Variants in CAMK4 observed in about 807,000 individuals in gnomAD.
CAMK4 encodes the protein calcium/calmodulin dependent protein kinase IV.
A neutral mutation model predicts 44.9 loss-of-function variants in CAMK4; 22 were observed. The ratio of observed to expected loss-of-function variants is 0.49; its 90% CI spans 0.35 to 0.70. The LOEUF is 0.70. Ranked by LOEUF, CAMK4 falls within the 30% of genes least tolerant of loss-of-function variation. CAMK4 has a pLI of 0.01. For missense variants in CAMK4, 498 were observed against 586.8 expected, an observed-to-expected ratio of 0.85 and a Z score of 1.56; for synonymous variants, 218 against 215.4, an observed-to-expected ratio of 1.01 and a Z score of -0.11.
chr5:111,247,682 T>C (rs1045522408), intron 1 of CAMK4, among the ~76,000 whole-genome samples: 3 of 152,136 alleles, frequency 2.0e-5, no homozygotes, highest in Non-Finnish European at 2.9e-5. Flanking sequence ...TCAGTTTTGC[T>C]CCTAAGGACT....
chr5:111,224,753 C>T lies in CAMK4; in HGVS notation c.161+109C>T. On this transcript the variant is annotated intron_variant, in intron 1 of 10. Coordinates refer to ENST00000282356, the MANE Select transcript of CAMK4 (RefSeq NM_001744.6). This position sits in a 1 kb window ranked among gnomAD's most constrained non-coding sequence, Gnocchi z 5.7. The stretch of plus-strand genomic sequence containing the variant: ...AGCCTGCCTTCGTGCCCTTCGATTT[C>T]TCCCTACCTAGTTAGTGTCTTGAGA... 9.5e-7 allele frequency: 1 copy of T among 1,052,438 alleles called. No individual in the cohort carries two copies. 65.2% of individuals were successfully genotyped at this position (1,052,438 alleles called of 1,614,324 possible). A position where few individuals can be genotyped will look rare whatever the true frequency, so the allele number is the denominator to read the frequency against.
intron 2 of CAMK4, among the ~76,000 whole-genome samples, chr5:111,352,658 A>AGT (rs1750161727): frequency 7.1e-6 from 1 of 140,722 alleles, no homozygotes; most frequent in South Asian, 2.6e-4. Flanking sequence ...AGAGAGAGAG[A>AGT]GAGAGGGAGA....
chr5:111,326,693 G>A (rs975328560), intron 1 of CAMK4, among the ~76,000 whole-genome samples: 1 of 142,102 alleles, frequency 7.0e-6, no homozygotes, highest in African/African-American at 2.7e-5. Context: ...TAAAAAAAAA[G>A]AGTACAAAGA....
At chr5:111,443,994 C>T (rs535431721) in intron 5 of CAMK4, among the ~76,000 whole-genome samples, 62 of 152,154 alleles carry the variant, frequency 4.1e-4, no homozygotes, top group Non-Finnish European at 4.1e-4. Context: ...CATTCGTGGT[C>T]GAGCATGCTC....
Position 111,446,703 on chromosome 5 carries a change from G to T in CAMK4, c.477G>T (p.Gly159=), listed in dbSNP as rs1272156254. 3.2e-6 allele frequency: 5 copies of T among 1,584,234 alleles called. No individual in the cohort carries two copies. The highest frequency in any genetic ancestry group is 4.3e-6 in the Non-Finnish European group (5 of 1,158,198). The change falls in exon 6 of 11, where the codon GGG becomes GGT. Residue 159 remains glycine, a synonymous_variant. Coordinates refer to ENST00000282356, the MANE Select transcript of CAMK4 (RefSeq NM_001744.6). ...LEAVAYLHEN[G]IVHRDLKPEN... Reference sequence around the variant, plus strand: ...CTCTTTAGTATCTACATGAAAATGGGATTGTCCATCGTGATCTCAAACCAG... The same window carrying T: ...CTCTTTAGTATCTACATGAAAATGGTATTGTCCATCGTGATCTCAAACCAG...
chr5:111,411,206 G>C (rs1383291211), intron 5 of CAMK4, among the ~76,000 whole-genome samples: 2 of 152,198 alleles, frequency 1.3e-5, no homozygotes, highest in African/African-American at 4.8e-5. Context: ...CCTTTACCAA[G>C]ACATGGGACA....
chr5:111,282,165 C>G (rs764667326), intron 1 of CAMK4, among the ~76,000 whole-genome samples: 1 of 152,032 alleles, frequency 6.6e-6, no homozygotes, highest in Non-Finnish European at 1.5e-5. Context: ...AAAGACAAAG[C>G]AAATATGGGG....
In CAMK4 at chr5:111,428,046, ACT is replaced by A. The variant is rs143779909; in HGVS notation, c.460-18637_460-18636del. Reference sequence around the variant, plus strand: ...TGTAGGTGGCTCAGAACAAACGGAGACTCTGTTTAGGAGAAAGTAAGGGAAGG... The same window carrying A: ...TGTAGGTGGCTCAGAACAAACGGAGACTGTTTAGGAGAAAGTAAGGGAAGG... On this transcript the variant is annotated intron_variant, in intron 5 of 10. Coordinates refer to ENST00000282356, the MANE Select transcript of CAMK4 (RefSeq NM_001744.6). 6.4e-3 allele frequency among the ~76,000 whole-genome samples: 976 copies of A among 152,206 alleles called. 9 individuals are homozygous for A. The highest frequency in any genetic ancestry group is 0.022 in the African/African-American group (906 of 41,516).
intron 5 of CAMK4, among the ~76,000 whole-genome samples, chr5:111,412,136 G>T (rs1200261122): frequency 1.3e-5 from 2 of 152,050 alleles, no homozygotes; most frequent in African/African-American, 2.4e-5. Flanking sequence ...GAAGTTGTAG[G>T]TAATTATTTA....
At chr5:111,445,379 C>T (rs1345568482) in intron 5 of CAMK4, among the ~76,000 whole-genome samples, 1 of 151,862 alleles carries the variant, frequency 6.6e-6, no homozygotes, top group African/African-American at 2.4e-5. Flanking sequence ...AGGGATATTA[C>T]CTTGTGTATA....
Position 111,322,034 on chromosome 5 carries a change from G to T in CAMK4, c.162-21990G>T, listed in dbSNP as rs1461854488. Among the ~76,000 whole-genome samples the T allele has an allele frequency of 2.0e-5, 3 of 151,938 alleles. No individual in the cohort carries two copies. The East Asian group carries it at 5.8e-4, about 30-fold the overall frequency. ...GGACTTCTGCTTGTGAGAATCAAAG[G>T]TACTACACTTGCCCTTCTTCTATAA... On this transcript the variant is annotated intron_variant, in intron 1 of 10. Coordinates refer to ENST00000282356, the MANE Select transcript of CAMK4 (RefSeq NM_001744.6).
At chr5:111,419,205 A>G (rs887744097) in intron 5 of CAMK4, among the ~76,000 whole-genome samples, 16 of 152,104 alleles carry the variant, frequency 1.1e-4, no homozygotes, top group Non-Finnish European at 2.1e-4. Flanking sequence ...GATGATGAGC[A>G]TTTTTTCATG....
intron 5 of CAMK4, among the ~76,000 whole-genome samples, chr5:111,404,128 A>C (rs1441145947): frequency 6.6e-6 from 1 of 152,220 alleles, no homozygotes; most frequent in African/African-American, 2.4e-5. Flanking sequence ...TTGGCTAAGC[A>C]TACATATTTA....
chr5:111,421,399 G>A (rs1055106803), intron 5 of CAMK4, among the ~76,000 whole-genome samples: 3 of 152,162 alleles, frequency 2.0e-5, no homozygotes, highest in Non-Finnish European at 4.4e-5. Flanking sequence ...TTTTCAAAGG[G>A]AGCAATAAGA....
intron 2 of CAMK4, among the ~76,000 whole-genome samples, chr5:111,363,594 T>C (rs1228991491): frequency 6.6e-6 from 1 of 152,088 alleles, no homozygotes; most frequent in Non-Finnish European, 1.5e-5. Context: ...ACCGTGTGTG[T>C]ATGTGTGTAT....
chr5:111,319,673 T>G (rs968636673), intron 1 of CAMK4, among the ~76,000 whole-genome samples: 6 of 152,136 alleles, frequency 3.9e-5, no homozygotes, highest in Non-Finnish European at 8.8e-5. Context: ...TTAAAAATCA[T>G]GGGGACTGTT....
chr5:111,376,452 T>G (rs1036915637), intron 3 of CAMK4, among the ~76,000 whole-genome samples: 3 of 152,050 alleles, frequency 2.0e-5, no homozygotes, highest in African/African-American at 7.2e-5. Context: ...CCCCTAATTT[T>G]AAGTTTTGTA....
At chr5:111,465,446 GAT>G (rs1233786302) in intron 7 of CAMK4, among the ~76,000 whole-genome samples, 1 of 151,868 alleles carries the variant, frequency 6.6e-6, no homozygotes, top group East Asian at 1.9e-4. Context: ...AATTAAAAAA[GAT>G]AACCATTAGC....
intron 2 of CAMK4, among the ~76,000 whole-genome samples, chr5:111,363,879 G>T (rs1750691394): frequency 1.3e-5 from 2 of 152,102 alleles, no homozygotes; most frequent in African/African-American, 4.8e-5. Context: ...CATTTAAGCT[G>T]AGAGTAACAT....
Sources: allele counts gnomAD v4.1 joint callset (sites outside exome capture counted in the v4.1 genomes callset), GRCh38; gene constraint gnomAD v4.1.1; non-coding constraint Gnocchi (gnomAD v3.1); transcripts MANE v1.5; gene names NCBI Gene and HGNC (gene_info 2026-07-23, HGNC 2026-07-21).